PAG1: variants seen among roughly 807,000 people sequenced by gnomAD.
The protein encoded by PAG1 is phosphoprotein membrane anchor with glycosphingolipid microdomains 1.
Under a neutral mutation model 31.7 loss-of-function variants are expected in PAG1, and 23 were observed. The ratio of observed to expected loss-of-function variants is 0.73; its 90% confidence interval spans 0.52 to 1.03. PAG1 has a LOEUF of 1.03. Among genes scored for constraint, PAG1 ranks in the 50% least tolerant of loss-of-function variants. The pLI is 0.00. For missense variants in PAG1, 473 were observed against 540.7 expected (o/e 0.87, Z 1.24); for synonymous variants, 214 against 210.3 (o/e 1.02, Z -0.15).
chr8:81,045,710 G>A (rs1431655207), intron 2 of PAG1, among the ~76,000 whole-genome samples: 1 of 152,172 alleles, frequency 6.6e-6, no homozygotes, highest in African/African-American at 2.4e-5. Context: ...ATCTCAATAA[G>A]TTGTTTCTTT....
intron 1 of PAG1, among the ~76,000 whole-genome samples, chr8:81,078,911 G>A (rs780247275): frequency 1.3e-5 from 2 of 152,088 alleles, no homozygotes; most frequent in Non-Finnish European, 2.9e-5. Flanking sequence ...GAGTACAGGC[G>A]CTTTATTCAA....
chr8:81,100,773 G>T (rs1809598262), intron 1 of PAG1, among the ~76,000 whole-genome samples: 1 of 152,208 alleles, frequency 6.6e-6, no homozygotes, highest in Non-Finnish European at 1.5e-5. Context: ...GAGAGAAAAG[G>T]AGAGATATTC....
chr8:81,030,410 A>T (rs979641460), intron 2 of PAG1, among the ~76,000 whole-genome samples: 5 of 152,276 alleles, frequency 3.3e-5, no homozygotes, highest in African/African-American at 9.6e-5. Context: ...AGTTTATGCC[A>T]AGTAAACCTC....
rs1055699658 is a variant in PAG1 at position 81,011,427 on chromosome 8, G to A, written c.-80-18120C>T. Among the ~76,000 whole-genome samples the A allele has an allele frequency of 3.9e-5, 6 of 152,152 alleles. 1 individual carries two copies. In the South Asian group the frequency reaches 1.2e-3, roughly 32 times the overall value. On this transcript the variant is annotated intron_variant, in intron 3 of 8. Transcript: ENST00000220597. ...TTTTCTCTTGCCTGCCGCCATGTAAGACATACCTTTCACCTTCCTCCATGA... is the reference window on the plus strand; with the variant it reads ...TTTTCTCTTGCCTGCCGCCATGTAAAACATACCTTTCACCTTCCTCCATGA...
intron 1 of PAG1, among the ~76,000 whole-genome samples, chr8:81,097,465 C>T (rs952297215): frequency 6.6e-6 from 1 of 152,132 alleles, no homozygotes; most frequent in Non-Finnish European, 1.5e-5. Flanking sequence ...ACAAGTTTAG[C>T]TCTTGAAAGC....
At chr8:81,108,291 A>T (rs1196336944) in intron 1 of PAG1, among the ~76,000 whole-genome samples, 1 of 152,242 alleles carries the variant, frequency 6.6e-6, no homozygotes, top group African/African-American at 2.4e-5. Flanking sequence ...AGGAGGGTTC[A>T]AGTTGAAACA....
chr8:81,025,615 C>T (rs1222769288), intron 3 of PAG1, among the ~76,000 whole-genome samples: 3 of 152,170 alleles, frequency 2.0e-5, no homozygotes, highest in Admixed American at 6.5e-5. Flanking sequence ...CAGGACCCAC[C>T]AGTGAAGAAG....
chr8:81,044,183 T>C (rs1808603308), intron 2 of PAG1, among the ~76,000 whole-genome samples: 1 of 152,208 alleles, frequency 6.6e-6, no homozygotes, highest in South Asian at 2.1e-4. Context: ...ATGGGTTGAA[T>C]TTTGTCCCCT....
intron 2 of PAG1, among the ~76,000 whole-genome samples, chr8:81,069,019 A>C (rs940486014): frequency 6.6e-6 from 1 of 152,214 alleles, no homozygotes; most frequent in African/African-American, 2.4e-5. Context: ...ATATTAGGAG[A>C]TCAGAGGAAG....
chr8:80,984,655 C>T, intron 7 of PAG1, 121 bp downstream of exon 7: 1 of 898,822 alleles, frequency 1.1e-6, no homozygotes, highest in East Asian at 2.5e-5. Flanking sequence ...ATGAAAACAG[C>T]TCTCATCATT....
intron 1 of PAG1, among the ~76,000 whole-genome samples, chr8:81,086,293 T>C (rs1445287248): frequency 6.6e-6 from 1 of 152,122 alleles, no homozygotes; most frequent in Non-Finnish European, 1.5e-5. Context: ...TCTGGCTTGT[T>C]TTTACAGGCT....
At chr8:80,989,553 A>AT in intron 5 of PAG1, among the ~76,000 whole-genome samples, 1 of 152,162 alleles carries the variant, frequency 6.6e-6, no homozygotes, top group African/African-American at 2.4e-5. Flanking sequence ...TCTCACAGAC[A>AT]TTCACATCCA....
intron 2 of PAG1, among the ~76,000 whole-genome samples, chr8:81,053,313 T>A (rs1035099080): frequency 2.0e-5 from 3 of 152,244 alleles, no homozygotes; most frequent in African/African-American, 7.2e-5. Flanking sequence ...CATAAACCTG[T>A]GTTCTTTTCC....
At chr8:81,053,172 A>T (rs531472922) in intron 2 of PAG1, among the ~76,000 whole-genome samples, 1 of 152,364 alleles carries the variant, frequency 6.6e-6, no homozygotes, top group Admixed American at 6.5e-5. Flanking sequence ...TGGATGAACA[A>T]GAAAAAATGA....
chr8:81,036,654 G>T (rs573308591), intron 2 of PAG1, among the ~76,000 whole-genome samples: 4 of 152,110 alleles, frequency 2.6e-5, no homozygotes, highest in Admixed American at 6.6e-5. Flanking sequence ...AACTAACAAC[G>T]CTTCTGCCTC....
intron 3 of PAG1, among the ~76,000 whole-genome samples, chr8:81,002,964 C>CT (rs1412360734): frequency 6.6e-6 from 1 of 152,194 alleles, no homozygotes; most frequent in Non-Finnish European, 1.5e-5. Flanking sequence ...AGGCAGATGA[C>CT]TCAAGGGGTG....
At chr8:81,110,294 A>G (rs989815191) in intron 1 of PAG1, among the ~76,000 whole-genome samples, 13 of 152,192 alleles carry the variant, frequency 8.5e-5, no homozygotes, top group African/African-American at 2.7e-4. Flanking sequence ...TAAACTAATG[A>G]CATCTATACC....
chr8:81,068,337 C>T (rs555631707), intron 2 of PAG1, among the ~76,000 whole-genome samples: 26 of 152,300 alleles, frequency 1.7e-4, no homozygotes, highest in Non-Finnish European at 2.5e-4. Context: ...ATCATAAAGT[C>T]GCTACTATTA....
At chr8:81,078,573 C>T (rs1273468437) in intron 1 of PAG1, among the ~76,000 whole-genome samples, 1 of 152,156 alleles carries the variant, frequency 6.6e-6, no homozygotes, top group Non-Finnish European at 1.5e-5. Flanking sequence ...GTCTCAAATG[C>T]AGGCAATCCT....
Sources: allele counts gnomAD v4.1 joint callset (sites outside exome capture counted in the v4.1 genomes callset), GRCh38; gene constraint gnomAD v4.1.1; transcripts MANE v1.5; gene names NCBI Gene and HGNC (gene_info 2026-07-23, HGNC 2026-07-21).